The following HECA variants were observed in gnomAD, a reference collection of about 807,000 sequenced individuals.
The protein encoded by HECA is HECA ribonucleoprotein granule regulator, also known as headcase protein homolog.
A neutral mutation model predicts 37.6 loss-of-function variants in HECA; 13 were observed. The ratio of observed to expected loss-of-function variants is 0.35; its 90% confidence interval spans 0.23 to 0.55. The LOEUF (loss-of-function observed/expected upper bound fraction) is 0.55. HECA is among the 20% of genes least tolerant of loss of function. HECA has a pLI of 0.90. For missense variants in HECA, 527 were observed against 701.9 expected, an observed-to-expected ratio of 0.75 and a Z score of 2.82; for synonymous variants, 307 against 291.5, an observed-to-expected ratio of 1.05 and a Z score of -0.54.
rs995355914 is a variant in HECA at position 139,179,668 on chromosome 6, A to G, written c.*2563A>G. 3.3e-5 allele frequency: 5 copies of G among 152,258 alleles called. No individual in the cohort carries two copies. The highest frequency in any genetic ancestry group is 9.6e-5 in the African/African-American group (4 of 41,476). The allele number at this position is 152,258 out of a possible 1,614,324, so 9.4% of individuals were successfully genotyped here. The stretch of plus-strand genomic sequence containing the variant: ...GGAATAAAATATAATCGAATATTCA[A>G]CACCATGAAGATAAATCTTATTTTG... On this transcript the variant is annotated 3_prime_UTR_variant, in exon 4 of 4. Coordinates refer to ENST00000367658, the MANE Select transcript of HECA (RefSeq NM_016217.3).
In HECA at chr6:139,166,462, C is replaced by A. The variant is rs139550012; in HGVS notation, c.450C>A (p.Arg150=). The A allele has an allele frequency of 2.5e-6, 4 of 1,614,166 alleles. No homozygotes were observed. Among genetic ancestry groups the A allele is most frequent in the Non-Finnish European group, 3.4e-6 (4 of 1,180,012 alleles). ...SILVQFNCIG[R]ARSWNEKQCR... is the part of the protein sequence containing the mutation. ...TCGTCCAGTTCAACTGCATCGGCCGCGCGCGCAGCTGGAACGAGAAGCAAT... is the reference window on the plus strand; with the variant it reads ...TCGTCCAGTTCAACTGCATCGGCCGAGCGCGCAGCTGGAACGAGAAGCAAT... Residue 150 remains arginine (R), a synonymous_variant, in exon 2 of 4, where the codon CGC becomes CGA. Coordinates refer to ENST00000367658, the MANE Select transcript of HECA (RefSeq NM_016217.3).
chr6:139,156,808 T>C (rs1037327869), intron 1 of HECA, among the ~76,000 whole-genome samples: 1 of 152,240 alleles, frequency 6.6e-6, no homozygotes, highest in Non-Finnish European at 1.5e-5. Flanking sequence ...TTCAGGACCA[T>C]GTCCCATGAG....
chr6:139,164,009 T>C (rs1774844680), intron 1 of HECA, among the ~76,000 whole-genome samples: 1 of 152,078 alleles, frequency 6.6e-6, no homozygotes, highest in Non-Finnish European at 1.5e-5. Flanking sequence ...ATCTTCCCTG[T>C]CCTGCTGTTC....
At chr6:139,156,965 G>A (rs956089306) in intron 1 of HECA, among the ~76,000 whole-genome samples, 1 of 152,210 alleles carries the variant, frequency 6.6e-6, no homozygotes, top group African/African-American at 2.4e-5. Context: ...AGAATTCAGG[G>A]CGAGTCCGCA....
intron 1 of HECA, among the ~76,000 whole-genome samples, chr6:139,160,766 A>C (rs1175249364): frequency 1.3e-5 from 2 of 152,244 alleles, no homozygotes; most frequent in Non-Finnish European, 2.9e-5. Flanking sequence ...CATTGGAAAA[A>C]GTAGAAAACA....
chr6:139,138,139 CTTTG>C (rs1410636875), intron 1 of HECA, among the ~76,000 whole-genome samples: 4 of 151,828 alleles, frequency 2.6e-5, no homozygotes, highest in African/African-American at 9.7e-5. Flanking sequence ...TTCTTTCTTT[CTTTG>C]TTTTTTTCTT....
intron 1 of HECA, among the ~76,000 whole-genome samples, chr6:139,149,512 CA>C (rs1449073905): frequency 1.3e-5 from 2 of 152,152 alleles, no homozygotes; most frequent in Non-Finnish European, 2.9e-5. Flanking sequence ...GGCTGCTTCC[CA>C]ACCAGTGATG....
Position 139,166,632 on chromosome 6 carries a change from C to T in HECA, c.620C>T (p.Ser207Phe). Residue 207 changes from serine to phenylalanine, a missense_variant, in exon 2 of 4, where the codon TCC (serine) becomes TTC (phenylalanine). Coordinates refer to ENST00000367658, the MANE Select transcript of HECA (RefSeq NM_016217.3). ...GACGAGAAAAAGAAGAAGTCTGGCT[C>T]CGAGAAGAACACAGGGAGGCCTCCT... ...MQDEKKKKSGSEKNTGRPPGE... is the reference protein window; with the variant it reads ...MQDEKKKKSGFEKNTGRPPGE... 3.7e-6 allele frequency: 6 copies of T among 1,614,214 alleles called. No individual in the cohort carries two copies. The highest frequency in any genetic ancestry group is 4.2e-6 in the Non-Finnish European group (5 of 1,180,042).
At chr6:139,157,164 T>G (rs1401042727) in intron 1 of HECA, among the ~76,000 whole-genome samples, 1 of 152,236 alleles carries the variant, frequency 6.6e-6, no homozygotes, top group Non-Finnish European at 1.5e-5. Context: ...GACGTTGCCA[T>G]GGCATTTGTA....
intron 1 of HECA, among the ~76,000 whole-genome samples, chr6:139,153,611 C>T (rs372086288): frequency 1.3e-4 from 19 of 151,902 alleles, no homozygotes; most frequent in Admixed American, 7.9e-4. Flanking sequence ...TTAGTAGAGA[C>T]GAGGTTTCGC....
At chr6:139,171,327 T>C (rs929920933) in intron 2 of HECA, among the ~76,000 whole-genome samples, 25 of 152,166 alleles carry the variant, frequency 1.6e-4, no homozygotes, top group South Asian at 2.1e-4. Context: ...TAGGCCTGAG[T>C]ACTTGTGTGT....
intron 1 of HECA, among the ~76,000 whole-genome samples, chr6:139,137,937 G>C (rs1774470570): frequency 6.6e-6 from 1 of 152,148 alleles, no homozygotes. Context: ...GTCAGGGTCA[G>C]AGGATGTAAC....
chr6:139,167,434 C>T, intron 2 of HECA, 110 bp downstream of exon 2: 1 of 909,270 alleles, frequency 1.1e-6, no homozygotes, highest in Non-Finnish European at 1.6e-6. Context: ...TTTTTTTGTT[C>T]TAGTCAGGTG....
Position 139,174,482 on chromosome 6 carries a change from G to C in HECA, c.1410G>C (p.Trp470Cys), listed in dbSNP as rs779688798. The C allele has an allele frequency of 1.2e-6, 2 of 1,613,590 alleles. No individual in the cohort carries two copies. The highest frequency in any genetic ancestry group is 1.1e-5 in the South Asian group (1 of 91,044). Reference protein sequence around the residue: ...IKCKSRWDGSWHQLGTMYTYD... With the variant: ...IKCKSRWDGSCHQLGTMYTYD... ...GTAAGTCACGGTGGGATGGCAGCTGGCACCAGCTGGGCACTATGTACACCT... is the reference window on the plus strand; with the variant it reads ...GTAAGTCACGGTGGGATGGCAGCTGCCACCAGCTGGGCACTATGTACACCT... Residue 470 changes from tryptophan to cysteine, a missense_variant, in exon 3 of 4, where the codon TGG becomes TGC. Coordinates refer to ENST00000367658, the MANE Select transcript of HECA (RefSeq NM_016217.3).
intron 1 of HECA, among the ~76,000 whole-genome samples, chr6:139,152,084 A>C (rs1018698996): frequency 6.6e-6 from 1 of 152,184 alleles, no homozygotes; most frequent in Admixed American, 6.5e-5. Flanking sequence ...CTATGACACT[A>C]TTATCTTCAT....
At chr6:139,153,935 A>G (rs6901853) in intron 1 of HECA, among the ~76,000 whole-genome samples, 101,753 of 152,026 alleles carry the variant, frequency 0.67, 35,058 homozygotes, top group African/African-American at 0.79. Context: ...TTGCTCCTCC[A>G]TGAAAGCAAT....
At chr6:139,140,384 G>A (rs987735788) in intron 1 of HECA, among the ~76,000 whole-genome samples, 4 of 152,160 alleles carry the variant, frequency 2.6e-5, no homozygotes, top group Admixed American at 2.6e-4. Context: ...GTTGTCTTTT[G>A]AAATCCACCT....
Position 139,142,772 on chromosome 6 carries a change from C to T in HECA, c.271+7105C>T, listed in dbSNP as rs565984200. Among the ~76,000 whole-genome samples the T allele has an allele frequency of 2.6e-5, 4 of 152,152 alleles. No homozygotes were observed. The South Asian group carries it at 8.3e-4, about 32-fold the overall frequency. ...ACCAGCCTGACCAACATGCTGAAAC[C>T]CTGTTTCTCTACTAAAAATACAAAA... On this transcript the variant is annotated intron_variant, in intron 1 of 3. Transcript: ENST00000367658.
rs1040359260 is a variant in HECA at position 139,176,045 on chromosome 6, A to G, written c.1468-896A>G. On this transcript the variant is annotated intron_variant, in intron 3 of 3. Transcript: ENST00000367658. This position sits in a 1 kb window ranked among gnomAD's most constrained non-coding sequence, Gnocchi z 4.5. The stretch of plus-strand genomic sequence containing the variant: ...AGCAATAATTGATTCTTAGAAAGGT[A>G]TAACAGTGTGAAGACGGGTTTGCTC... Among the ~76,000 whole-genome samples, 12 of 152,286 alleles carry G rather than the reference A, an allele frequency of 7.9e-5. No homozygotes were observed. The highest frequency in any genetic ancestry group is 1.5e-4 in the Non-Finnish European group (10 of 68,052).
Sources: allele counts gnomAD v4.1 joint callset (sites outside exome capture counted in the v4.1 genomes callset), GRCh38; gene constraint gnomAD v4.1.1; non-coding constraint Gnocchi (gnomAD v3.1); transcripts MANE v1.5; gene names NCBI Gene and HGNC (gene_info 2026-07-23, HGNC 2026-07-21).